Variants in RUNDC3B observed in about 807,000 individuals in gnomAD.
The protein encoded by RUNDC3B is RUN domain containing 3B.
RUNDC3B carries 33 observed loss-of-function variants against 58.4 expected under a neutral mutation model. That is an observed-to-expected ratio of 0.56 (90% CI 0.43 to 0.75). RUNDC3B has a LOEUF of 0.75. RUNDC3B is among the 30% of genes least tolerant of loss of function. RUNDC3B has a pLI of 0.00. For missense variants in RUNDC3B, 501 were observed against 535.7 expected (o/e 0.94, Z 0.64); for synonymous variants, 193 against 195.2 (o/e 0.99, Z 0.10).
intron 4 of RUNDC3B, among the ~76,000 whole-genome samples, chr7:87,728,617 C>G (rs1383681655): frequency 6.6e-6 from 1 of 152,160 alleles, no homozygotes; most frequent in Non-Finnish European, 1.5e-5. Flanking sequence ...GAGGCTGATC[C>G]TCTCACTTCT....
intron 2 of RUNDC3B, among the ~76,000 whole-genome samples, chr7:87,674,032 TG>T (rs1273713090): frequency 6.6e-6 from 1 of 152,202 alleles, no homozygotes; most frequent in African/African-American, 2.4e-5. Flanking sequence ...AACTGGTACC[TG>T]GCCCCTGGCT....
intron 1 of RUNDC3B, among the ~76,000 whole-genome samples, chr7:87,649,265 C>T (rs1220263026): frequency 1.3e-5 from 2 of 152,066 alleles, no homozygotes; most frequent in Admixed American, 1.3e-4. Context: ...CATGATAGGA[C>T]GTTTAAACAT....
intron 6 of RUNDC3B, among the ~76,000 whole-genome samples, chr7:87,749,424 T>C (rs1454763030): frequency 6.6e-6 from 1 of 152,166 alleles, no homozygotes; most frequent in African/African-American, 2.4e-5. Context: ...AAATGAAGAA[T>C]TTCTAACATC....
At chr7:87,812,997 A>C (rs1836808759) in intron 9 of RUNDC3B, among the ~76,000 whole-genome samples, 1 of 152,224 alleles carries the variant, frequency 6.6e-6, no homozygotes, top group South Asian at 2.1e-4. Flanking sequence ...GCCATTACTG[A>C]AACAACTGAA....
intron 2 of RUNDC3B, chr7:87,659,277 C>A: frequency 2.5e-6 from 1 of 402,788 alleles, no homozygotes; most frequent in South Asian, 1.9e-5. Flanking sequence ...GTTTGTTCCC[C>A]CTGTTCTTGG....
chr7:87,735,846 G>C lies in RUNDC3B; in HGVS notation c.459-3945G>C, dbSNP rs75492158. Among the ~76,000 whole-genome samples the C allele has an allele frequency of 3.1e-3, 471 of 152,002 alleles. 5 individuals are homozygous for C. In the East Asian group the frequency reaches 0.049, roughly 16 times the overall value. On this transcript the variant is annotated intron_variant, in intron 4 of 10. Transcript: ENST00000394654. ...TCATCTGTAATTATCTTTGTCTTTT[G>C]TTTCTTGCTTTTCTATTCCCCTAGA... is the stretch of plus-strand genomic sequence containing the variant.
Position 87,748,624 on chromosome 7 carries a change from T to C in RUNDC3B, c.629+7045T>C, listed in dbSNP as rs116968097. Among the ~76,000 whole-genome samples the C allele has an allele frequency of 2.0e-3, 310 of 152,266 alleles. 1 individual carries two copies. The highest frequency in any genetic ancestry group is 4.3e-3 in the Admixed American group (65 of 15,290). ...CACATACACACACACACATTCAAAATGCATTTATTGAGTGCCTAACCATAG... is the reference window on the plus strand; with the variant it reads ...CACATACACACACACACATTCAAAACGCATTTATTGAGTGCCTAACCATAG... On this transcript the variant is annotated intron_variant, in intron 6 of 10. Coordinates refer to ENST00000394654, the MANE Select transcript of RUNDC3B (RefSeq NM_001134405.2).
At chr7:87,718,960 C>T (rs941982999) in intron 4 of RUNDC3B, among the ~76,000 whole-genome samples, 1 of 151,688 alleles carries the variant, frequency 6.6e-6, no homozygotes, top group African/African-American at 2.4e-5. Context: ...ACTAGAAAAC[C>T]GTAGAGATTC....
intron 3 of RUNDC3B, chr7:87,709,596 C>A: frequency 1.2e-6 from 1 of 805,900 alleles, no homozygotes; most frequent in Non-Finnish European, 1.5e-6. Flanking sequence ...CAGGTTTTAA[C>A]TACTGCCTAT....
At chr7:87,722,537 G>C (rs927219414) in intron 4 of RUNDC3B, among the ~76,000 whole-genome samples, 1 of 152,140 alleles carries the variant, frequency 6.6e-6, no homozygotes, top group African/African-American at 2.4e-5. Flanking sequence ...TCACTTAACA[G>C]ACAAGAAAGT....
At chr7:87,796,950 C>CTAA (rs1156622026) in intron 8 of RUNDC3B, among the ~76,000 whole-genome samples, 2 of 152,110 alleles carry the variant, frequency 1.3e-5, no homozygotes, top group Non-Finnish European at 2.9e-5. Flanking sequence ...TCTTAAGAGA[C>CTAA]TAATACATTT....
intron 6 of RUNDC3B, among the ~76,000 whole-genome samples, chr7:87,742,573 TA>T (rs1332677183): frequency 1.4e-5 from 2 of 144,834 alleles, no homozygotes; most frequent in Admixed American, 1.4e-4. Context: ...CCATCATAGA[TA>T]AATAGATAGA....
At chr7:87,654,636 T>C (rs1017235288) in intron 2 of RUNDC3B, among the ~76,000 whole-genome samples, 1 of 151,980 alleles carries the variant, frequency 6.6e-6, no homozygotes, top group African/African-American at 2.4e-5. Flanking sequence ...GAAGAAAACA[T>C]AGGGAAAAGG....
At chr7:87,823,174 A>G (rs891664311) in intron 10 of RUNDC3B, among the ~76,000 whole-genome samples, 4 of 152,108 alleles carry the variant, frequency 2.6e-5, no homozygotes, top group African/African-American at 7.2e-5. Flanking sequence ...AGCCAGATCT[A>G]TTACCAAAGT....
intron 2 of RUNDC3B, among the ~76,000 whole-genome samples, chr7:87,671,279 G>A (rs1319490627): frequency 6.6e-6 from 1 of 152,120 alleles, no homozygotes; most frequent in Non-Finnish European, 1.5e-5. Flanking sequence ...CTCTCTTATT[G>A]GTCCGGCAAG....
At chr7:87,798,660 A>G (rs1835948087) in intron 8 of RUNDC3B, among the ~76,000 whole-genome samples, 2 of 152,184 alleles carry the variant, frequency 1.3e-5, no homozygotes, top group African/African-American at 2.4e-5. Flanking sequence ...TTTACATTTT[A>G]AAATGGGGCA....
At chr7:87,658,923 A>G (rs961847570) in intron 2 of RUNDC3B, among the ~76,000 whole-genome samples, 2 of 152,178 alleles carry the variant, frequency 1.3e-5, no homozygotes, top group Non-Finnish European at 2.9e-5. Context: ...AGGCCAAAGC[A>G]AGCGGATCAC....
chr7:87,776,412 T>C (rs925954088), intron 7 of RUNDC3B, among the ~76,000 whole-genome samples: 3 of 152,080 alleles, frequency 2.0e-5, no homozygotes, highest in East Asian at 1.9e-4. Flanking sequence ...CTCATCAATA[T>C]AGACAAAACA....
Position 87,710,584 on chromosome 7 carries a change from C to A in RUNDC3B, c.387C>A (p.Ile129=). Residue 129 remains isoleucine, a synonymous_variant, in exon 4 of 11, where the codon ATC becomes ATA. Transcript: ENST00000394654. ...CTTCCTTTTAGGGTAGAGCCTGGAT[C>A]AGAGTAGCACTCATGGAAAAACATT... ...SSSRAKGRAW[I]RVALMEKHLS... 1 of 1,581,774 alleles carries A rather than the reference C, an allele frequency of 6.3e-7. No homozygotes were observed. Among genetic ancestry groups the A allele is most frequent in the South Asian group, 1.2e-5 (1 of 86,018 alleles).
Sources: allele counts gnomAD v4.1 joint callset (sites outside exome capture counted in the v4.1 genomes callset), GRCh38; gene constraint gnomAD v4.1.1; transcripts MANE v1.5; gene names NCBI Gene and HGNC (gene_info 2026-07-23, HGNC 2026-07-21).